Variants in PGK1 observed in about 807,000 individuals in gnomAD.
PGK1 encodes the protein phosphoglycerate kinase 1.
In PGK1, 3 loss-of-function variants were observed where a neutral mutation model predicts 26.9. That is an observed-to-expected ratio of 0.11 (90% CI 0.05 to 0.29). The LOEUF (loss-of-function observed/expected upper bound fraction) is 0.29, where lower values mean the gene tolerates loss of function less well. Ranked by LOEUF, PGK1 falls within the 10% of genes least tolerant of loss-of-function variation. The pLI is 1.00. For synonymous variants in PGK1, 125 were observed against 115.3 expected, an observed-to-expected ratio of 1.08 and a Z score of -0.54; for missense variants, 270 against 314.7, an observed-to-expected ratio of 0.86 and a Z score of 1.07.
At chrX:78,117,986 G>T in intron 5 of PGK1, 65 bp from the exon 6 acceptor site, 1 of 1,038,107 alleles carries the variant, frequency 9.6e-7, no homozygotes. Flanking sequence ...ATAAGGAGCT[G>T]GCCTCTAGGA....
intron 2 of PGK1, among the ~76,000 whole-genome samples, chrX:78,111,747 C>T (rs1265186906): frequency 2.7e-5 from 3 of 111,898 alleles, no homozygotes; most frequent in Non-Finnish European, 5.6e-5. Context: ...GATCTGATCC[C>T]GCTTGATCTT....
At chrX:78,114,395 G>GT (rs2078316594) in intron 4 of PGK1, among the ~76,000 whole-genome samples, 1 of 111,798 alleles carries the variant, frequency 8.9e-6, no homozygotes, top group Admixed American at 9.5e-5. Context: ...TTCAGGTGGT[G>GT]TTTAAATATG....
At chrX:78,117,254 A>G (rs1202827395) in intron 4 of PGK1, 58 bp from the exon 5 acceptor site, 2 of 817,388 alleles carry the variant, frequency 2.4e-6, no homozygotes, top group South Asian at 2.1e-5. Context: ...GGTGTATGAA[A>G]TGCTTTTATA....
At chrX:78,121,672 G>C (rs1407432322) in intron 6 of PGK1, among the ~76,000 whole-genome samples, 3 of 112,471 alleles carry the variant, frequency 2.7e-5, no homozygotes, top group Admixed American at 9.4e-5. Context: ...ATGGAAGGCA[G>C]GCTATTACTT....
In PGK1 at chrX:78,113,385, G is replaced by A. The variant is rs946043163; in HGVS notation, c.117-359G>A. On this transcript the variant is annotated intron_variant, in intron 2 of 10. Transcript: ENST00000373316. ...CATAAATCACCATGTTTGTATAGAC[G>A]GTCTAGGAAGAGTGAATAGCCCTTG... is the stretch of plus-strand genomic sequence containing the variant. Among the ~76,000 whole-genome samples the A allele has an allele frequency of 8.9e-5, 10 of 112,027 alleles. No homozygotes were observed. The South Asian group carries it at 1.9e-3, about 21-fold the overall frequency.
At chrX:78,105,191 C>T (rs1187765131) in intron 1 of PGK1, among the ~76,000 whole-genome samples, 6 of 112,413 alleles carry the variant, frequency 5.3e-5, no homozygotes, top group African/African-American at 1.9e-4. Flanking sequence ...GTCTCTTACT[C>T]TGCGCATGTG....
chrX:78,115,522 C>T (rs1266642360), intron 4 of PGK1, among the ~76,000 whole-genome samples: 2 of 111,109 alleles, frequency 1.8e-5, no homozygotes, highest in African/African-American at 3.3e-5. Flanking sequence ...GGCATGGTGG[C>T]AAGTGCCTGT....
At position 78,118,081 on chromosome X, in the gene PGK1, G is replaced by A. The variant is rs782795716; in HGVS notation, c.552G>A (p.Lys184=). The A allele has an allele frequency of 5.8e-6, 7 of 1,204,767 alleles. No individual in the cohort carries two copies. Among genetic ancestry groups the A allele is most frequent in the Non-Finnish European group, 7.9e-6 (7 of 891,553 alleles). The change falls in exon 6 of 11, where the codon AAG becomes AAA. Residue 184 remains lysine (K), a synonymous_variant. Coordinates refer to ENST00000373316, the MANE Select transcript of PGK1 (RefSeq NM_000291.4). ...SSMVGVNLPQ[K]AGGFLMKKEL... is the part of the protein sequence containing the mutation. ...TGGTAGGAGTCAATCTGCCACAGAA[G>A]GCTGGTGGGTTTTTGATGAAGAAGG...
At position 78,126,145 on chromosome X, in the gene PGK1, GTTA is replaced by G. The variant is rs782147238; in HGVS notation, c.*320_*322del. ...TTAGCTTAGTTCTCTTTTGATGTAG[GTTA>G]TTATGATTAGCTTTGTCACTGTTTC... On this transcript the variant is annotated 3_prime_UTR_variant, in exon 11 of 11. Coordinates refer to ENST00000373316, the MANE Select transcript of PGK1 (RefSeq NM_000291.4). 9.6e-5 allele frequency: 27 copies of G among 281,465 alleles called. No individual in the cohort carries two copies. Among genetic ancestry groups the G allele is most frequent in the Non-Finnish European group, 1.7e-4 (27 of 157,874 alleles). 23.2% of individuals were successfully genotyped at this position (281,465 alleles called of 1,213,427 possible). A position where few individuals can be genotyped will look rare whatever the true frequency, so the allele number is the denominator to read the frequency against.
rs1557248623 is a variant in PGK1, at chrX:78,125,781, C to T, written c.1214-9C>T. 3 of 1,196,138 alleles carry T rather than the reference C, an allele frequency of 2.5e-6. No individual in the cohort carries two copies. Among genetic ancestry groups the T allele is most frequent in the African/African-American group, 1.8e-5 (1 of 56,954 alleles). On this transcript the variant is annotated splice_polypyrimidine_tract_variant and intron_variant, in intron 10 of 10. Transcript: ENST00000373316. The stretch of plus-strand genomic sequence containing the variant: ...TGCTGTCTATGTATGTGTGCTCTCT[C>T]AAAAACAGGTAAAGTCCTTCCTGGG...
chrX:78,105,337 G>T (rs1229167056), intron 1 of PGK1, among the ~76,000 whole-genome samples: 1 of 111,929 alleles, frequency 8.9e-6, no homozygotes, highest in East Asian at 2.8e-4. Context: ...AGGAGGATGA[G>T]TCGGTATGTA....
At chrX:78,109,276 G>C (rs1176990368) in intron 1 of PGK1, among the ~76,000 whole-genome samples, 2 of 111,011 alleles carry the variant, frequency 1.8e-5, no homozygotes, top group African/African-American at 6.6e-5. Flanking sequence ...TAAGGCCCCA[G>C]GCTTTCTCCA....
Position 78,127,900 on chromosome X carries a change from CCAA to C in PGK1, c.*2072_*2074del, listed in dbSNP as rs781879586. ...CTTTTTCCTACTGATTACCTTTCCT[CCAA>C]CGTTTTAAAAATTATTTCAAATGGA... On this transcript the variant is annotated 3_prime_UTR_variant, in exon 11 of 11. Transcript: ENST00000373316. 2.8e-4 allele frequency: 31 copies of C among 112,177 alleles called. No homozygotes were observed. The highest frequency in any genetic ancestry group is 4.6e-3 in the Middle Eastern group (1 of 218). The allele number at this position is 112,177 out of a possible 1,213,427, so 9.2% of individuals were successfully genotyped here. A position where few individuals can be genotyped will look rare whatever the true frequency, so the allele number is the denominator to read the frequency against.
intron 1 of PGK1, among the ~76,000 whole-genome samples, chrX:78,107,775 T>A (rs781837017): frequency 1.8e-5 from 2 of 111,453 alleles, no homozygotes; most frequent in South Asian, 7.5e-4. Flanking sequence ...CTGGGCCACG[T>A]CCTTTTGAGG....
At chrX:78,117,681 T>C (rs1404410920) in intron 5 of PGK1, among the ~76,000 whole-genome samples, 2 of 112,586 alleles carry the variant, frequency 1.8e-5, no homozygotes, top group South Asian at 3.6e-4. Context: ...TACAGAGTTA[T>C]CCTTTTATGA....
At chrX:78,104,881 G>A (rs1557246019) in intron 1 of PGK1, among the ~76,000 whole-genome samples, 2 of 111,314 alleles carry the variant, frequency 1.8e-5, no homozygotes, top group African/African-American at 3.3e-5. Context: ...TTTCCAAGAG[G>A]ATGTTGATTT....
chrX:78,120,201 C>T (rs1557247867), intron 6 of PGK1, among the ~76,000 whole-genome samples: 1 of 111,444 alleles, frequency 9.0e-6, no homozygotes, highest in East Asian at 2.8e-4. Context: ...GTAAGAAACA[C>T]TCATATGTAT....
intron 6 of PGK1, among the ~76,000 whole-genome samples, chrX:78,122,124 C>T (rs1398682696): frequency 1.8e-5 from 2 of 111,187 alleles, no homozygotes; most frequent in East Asian, 5.6e-4. Context: ...AAGAGGATTG[C>T]TTGAGCCTAG....
chrX:78,120,222 A>G (rs2078347285), intron 6 of PGK1, among the ~76,000 whole-genome samples: 1 of 111,406 alleles, frequency 9.0e-6, no homozygotes, highest in African/African-American at 3.3e-5. Flanking sequence ...GGAAGTTGAG[A>G]GAATAGTGTA....
Sources: allele counts gnomAD v4.1 joint callset (sites outside exome capture counted in the v4.1 genomes callset), GRCh38; gene constraint gnomAD v4.1.1; transcripts MANE v1.5; gene names NCBI Gene and HGNC (gene_info 2026-07-23, HGNC 2026-07-21).